The following KIAA0930 variants were observed in gnomAD, a reference collection of about 807,000 sequenced individuals.
KIAA0930 encodes KIAA0930.
Under a neutral mutation model 43.9 loss-of-function variants are expected in KIAA0930, and 24 were observed. The observed-to-expected ratio is 0.55, with a 90% CI of 0.40 to 0.77. The LOEUF (loss-of-function observed/expected upper bound fraction) is 0.77, where lower values mean the gene tolerates loss of function less well. KIAA0930 is among the 30% of genes least tolerant of loss of function. The pLI is 0.00. For synonymous variants in KIAA0930, 259 were observed against 216.4 expected, an observed-to-expected ratio of 1.20 and a Z score of -1.73; for missense variants, 461 against 574.2, an observed-to-expected ratio of 0.80 and a Z score of 2.02.
chr22:45,229,039 AC>A (rs1555900947), intron 1 of KIAA0930, among the ~76,000 whole-genome samples: 18 of 18,064 alleles, frequency 1.0e-3, no homozygotes, highest in Non-Finnish European at 1.2e-3. Context: ...ATCCCTCTCC[AC>A]CCCCCCACCA....
In KIAA0930 at chr22:45,213,213, A is replaced by G. The variant is rs1463052672; in HGVS notation, c.65-1106T>C. On this transcript the variant is annotated intron_variant, in intron 1 of 9. Coordinates refer to ENST00000336156, the MANE Select transcript of KIAA0930 (RefSeq NM_001009880.2). ...CCCAGCCTTGGTTGACGTCAGCCAC[A>G]ACACTAACCAAAGAACCAGGACTCA... 3.2e-6 allele frequency: 3 copies of G among 946,838 alleles called. No homozygotes were observed. In the African/African-American group the frequency reaches 5.1e-5, roughly 16 times the overall value. The allele number at this position is 946,838 out of a possible 1,614,324, so 58.7% of individuals were successfully genotyped here. A position where few individuals can be genotyped will look rare whatever the true frequency, so the allele number is the denominator to read the frequency against.
chr22:45,234,199 G>C (rs767041870), intron 1 of KIAA0930, among the ~76,000 whole-genome samples: 10 of 152,216 alleles, frequency 6.6e-5, no homozygotes, highest in Non-Finnish European at 1.5e-5. Context: ...GGGTGACCAG[G>C]AGTGGAAGGT....
At chr22:45,211,038 G>A (rs1334353559) in intron 2 of KIAA0930, among the ~76,000 whole-genome samples, 1 of 152,098 alleles carries the variant, frequency 6.6e-6, no homozygotes, top group African/African-American at 2.4e-5. Flanking sequence ...CAGGGCTCGG[G>A]GCCAGCATGC....
chr22:45,193,017 C>T lies in KIAA0930; in HGVS notation c.*4159G>A, dbSNP rs2083503036. ...GGCCACTGCTGAAGAGCTGCTCTCC[C>T]TCGAAGGGCAGTGGCTGCCCCCTCC... On this transcript the variant is annotated 3_prime_UTR_variant, in exon 10 of 10. Coordinates refer to ENST00000336156, the MANE Select transcript of KIAA0930 (RefSeq NM_001009880.2). 6.6e-6 allele frequency: 1 copy of T among 152,242 alleles called. No homozygotes were observed. Among genetic ancestry groups the T allele is most frequent in the African/African-American group, 2.4e-5 (1 of 41,456 alleles). 9.4% of individuals were successfully genotyped at this position (152,242 alleles called of 1,614,324 possible).
In KIAA0930 at chr22:45,231,991, AAAAC is replaced by A. The variant is rs201976761; in HGVS notation, c.64+8645_64+8648del. Among the ~76,000 whole-genome samples, 821 of 152,310 alleles carry A rather than the reference AAAAC, an allele frequency of 5.4e-3. 7 individuals are homozygous for A. The highest frequency in any genetic ancestry group is 0.018 in the Admixed American group (272 of 15,298). ...GGGTGACAGAGCGAGACTCCCTCTC[AAAAC>A]AAACAAACAAAATTAACAGGCACAA... On this transcript the variant is annotated intron_variant, in intron 1 of 9. Coordinates refer to ENST00000336156, the MANE Select transcript of KIAA0930 (RefSeq NM_001009880.2).
chr22:45,240,875 G>T lies in KIAA0930; in HGVS notation c.-172C>A. On this transcript the variant is annotated 5_prime_UTR_variant, in exon 1 of 10. In the 5' UTR this introduces an upstream ATG that the reference lacks. Transcript: ENST00000336156. ...CCGCCGCCACCACCCGCCAAACACA[G>T]CACCGGCGAGCGCACCTCCGCGCCG... 6.9e-6 allele frequency: 1 copy of T among 145,380 alleles called. No homozygotes were observed. Among genetic ancestry groups the T allele is most frequent in the South Asian group, 1.8e-4 (1 of 5,512 alleles). 9.0% of individuals were successfully genotyped at this position (145,380 alleles called of 1,614,324 possible). A position where few individuals can be genotyped will look rare whatever the true frequency, so the allele number is the denominator to read the frequency against.
chr22:45,206,292 C>A lies in KIAA0930; in HGVS notation c.217-380G>T, dbSNP rs140173841. 7.1e-3 allele frequency among the ~76,000 whole-genome samples: 1,074 copies of A among 152,336 alleles called. 10 individuals are homozygous for A. Among genetic ancestry groups the A allele is most frequent in the African/African-American group, 0.024 (1,016 of 41,564 alleles). Reference sequence around the variant, plus strand: ...TCGACCTCCCAAAGTACTGGGATTACAGGTGTGAGCCACCATGCCCGGCCA... The same window carrying A: ...TCGACCTCCCAAAGTACTGGGATTAAAGGTGTGAGCCACCATGCCCGGCCA... On this transcript the variant is annotated intron_variant, in intron 2 of 9. Transcript: ENST00000336156.
chr22:45,212,231 G>A, intron 1 of KIAA0930, 124 bp from the exon 2 acceptor site: 1 of 1,612,686 alleles, frequency 6.2e-7, no homozygotes, highest in Non-Finnish European at 8.5e-7. Flanking sequence ...GCTCTGAGAT[G>A]CGCCACCCTT....
chr22:45,210,389 C>T (rs890633265), intron 2 of KIAA0930, among the ~76,000 whole-genome samples: 4 of 152,126 alleles, frequency 2.6e-5, no homozygotes, highest in Non-Finnish European at 5.9e-5. Flanking sequence ...AGCCTGTGCC[C>T]GCCATGAGGG....
intron 1 of KIAA0930, among the ~76,000 whole-genome samples, chr22:45,230,491 A>G (rs1555901059): frequency 2.0e-5 from 3 of 151,966 alleles, no homozygotes; most frequent in Non-Finnish European, 4.4e-5. Flanking sequence ...GAGCATCCTC[A>G]TCTCTGAAGA....
At chr22:45,237,589 C>G (rs1001737643) in intron 1 of KIAA0930, among the ~76,000 whole-genome samples, 1 of 152,230 alleles carries the variant, frequency 6.6e-6, no homozygotes, top group Non-Finnish European at 1.5e-5. Flanking sequence ...ACCTGAGGCT[C>G]CCTTGACACC....
At chr22:45,212,777 G>T (rs1454692680) in intron 1 of KIAA0930, among the ~76,000 whole-genome samples, 2 of 152,238 alleles carry the variant, frequency 1.3e-5, no homozygotes, top group African/African-American at 4.8e-5. Context: ...ACAGGCTTTG[G>T]TAGGGAAGAT....
rs139472572 is a variant in KIAA0930 at position 45,205,849 on chromosome 22, C to G, written c.280G>C (p.Gly94Arg). 8.1e-6 allele frequency: 13 copies of G among 1,609,502 alleles called. No individual in the cohort carries two copies. Among genetic ancestry groups the G allele is most frequent in the Non-Finnish European group, 1.1e-5 (13 of 1,177,954 alleles). The change falls in exon 3 of 10, where the codon GGA becomes CGA. Residue 94 changes from glycine (G) to arginine (R), a missense_variant. Coordinates refer to ENST00000336156, the MANE Select transcript of KIAA0930 (RefSeq NM_001009880.2). ...TCCTCCCAGTCGATGTCAGGGTCTC[C>G]CAGGCCTGGCAGCTTCTTGGAGTCC... ...RRDSKKLPGL[G>R]DPDIDWEESV...
At chr22:45,233,522 C>T (rs750089164) in intron 1 of KIAA0930, among the ~76,000 whole-genome samples, 1 of 152,172 alleles carries the variant, frequency 6.6e-6, no homozygotes, top group South Asian at 2.1e-4. Flanking sequence ...GCGGGCATCA[C>T]CTGGAAAGTG....
rs74975796 is a variant in KIAA0930, at chr22:45,226,134, G to A, written c.65-14027C>T. The A allele has an allele frequency of 2.9e-3, 1,220 of 414,110 alleles. 8 individuals are homozygous for A. Among genetic ancestry groups the A allele is most frequent in the African/African-American group, 0.019 (932 of 48,848 alleles). 25.7% of individuals were successfully genotyped at this position (414,110 alleles called of 1,614,324 possible). A position where few individuals can be genotyped will look rare whatever the true frequency, so the allele number is the denominator to read the frequency against. ...TCCTCGGTGCGTTCAGAGAGCACGCGGCAGCCTCTCCACTCACCCTCAGCT... is the reference window on the plus strand; with the variant it reads ...TCCTCGGTGCGTTCAGAGAGCACGCAGCAGCCTCTCCACTCACCCTCAGCT... On this transcript the variant is annotated intron_variant, in intron 1 of 9. Coordinates refer to ENST00000336156, the MANE Select transcript of KIAA0930 (RefSeq NM_001009880.2).
intron 2 of KIAA0930, 48 bp from the exon 3 acceptor site, chr22:45,205,960 T>A: frequency 6.2e-7 from 1 of 1,602,398 alleles, no homozygotes; most frequent in South Asian, 1.1e-5. Flanking sequence ...ACTGTGGTGC[T>A]CTTCTTCTTC....
At chr22:45,204,744 CCTT>C (rs769283141) in intron 5 of KIAA0930, among the ~76,000 whole-genome samples, 3 of 151,878 alleles carry the variant, frequency 2.0e-5, no homozygotes, top group African/African-American at 4.8e-5. Flanking sequence ...CGGTGAGTCT[CCTT>C]CTGCCCAAGC....
At chr22:45,225,020 C>T (rs2083790086) in intron 1 of KIAA0930, among the ~76,000 whole-genome samples, 1 of 152,108 alleles carries the variant, frequency 6.6e-6, no homozygotes, top group African/African-American at 2.4e-5. Flanking sequence ...GGGTCCTCTC[C>T]AGAGAACACC....
intron 1 of KIAA0930, among the ~76,000 whole-genome samples, chr22:45,215,490 A>G (rs894910276): frequency 6.6e-6 from 1 of 152,222 alleles, no homozygotes; most frequent in Non-Finnish European, 1.5e-5. Flanking sequence ...ACTCATGAGA[A>G]AAAATAATAT....
Sources: allele counts gnomAD v4.1 joint callset (sites outside exome capture counted in the v4.1 genomes callset), GRCh38; gene constraint gnomAD v4.1.1; transcripts MANE v1.5; gene names NCBI Gene and HGNC (gene_info 2026-07-23, HGNC 2026-07-21).